Variants in DLG2 observed in about 807,000 individuals in gnomAD.
The protein encoded by DLG2 is disks large homolog 2.
Under a neutral mutation model 132.5 loss-of-function variants are expected in DLG2, and 45 were observed. That is an observed-to-expected ratio of 0.34 (90% CI 0.27 to 0.44). The LOEUF (loss-of-function observed/expected upper bound fraction) is 0.44. Among genes scored for constraint, DLG2 ranks in the 20% least tolerant of loss-of-function variants. The probability of loss-of-function intolerance (pLI) is 1.00; values close to 1 mark genes in which losing one functional copy is unlikely to be tolerated. For missense variants in DLG2, 1,045 were observed against 1,196.9 expected, an observed-to-expected ratio of 0.87 and a Z score of 1.87; for synonymous variants, 424 against 419.6, an observed-to-expected ratio of 1.01 and a Z score of -0.13.
chr11:84,069,562 T>C (rs990292041), intron 10 of DLG2, among the ~76,000 whole-genome samples: 1 of 152,194 alleles, frequency 6.6e-6, no homozygotes, highest in Non-Finnish European at 1.5e-5. Flanking sequence ...GGGCTTCTGC[T>C]CTCGTCTCTA....
intron 15 of DLG2, among the ~76,000 whole-genome samples, chr11:83,879,688 T>C (rs2065669153): frequency 6.6e-6 from 1 of 152,198 alleles, no homozygotes; most frequent in South Asian, 2.1e-4. Context: ...ACATGAAGTG[T>C]CTTGTACAAT....
At chr11:85,357,923 G>C (rs2083865702) in intron 3 of DLG2, among the ~76,000 whole-genome samples, 1 of 151,322 alleles carries the variant, frequency 6.6e-6, no homozygotes, top group Non-Finnish European at 1.5e-5. Flanking sequence ...GAAGTATTAG[G>C]ATTCAAATCA....
At chr11:85,154,679 C>T in intron 4 of DLG2, 28 bp from the exon 5 acceptor site, 3 of 1,106,794 alleles carry the variant, frequency 2.7e-6, no homozygotes, top group Non-Finnish European at 4.0e-6. Context: ...AAAATCAATA[C>T]TCCTTTTTTA....
At chr11:85,115,068 C>G (rs1566878995) in intron 5 of DLG2, among the ~76,000 whole-genome samples, 1 of 151,808 alleles carries the variant, frequency 6.6e-6, no homozygotes, top group Non-Finnish European at 1.5e-5. Context: ...AAATGATCCT[C>G]ATAAACAAAG....
At position 85,215,362 on chromosome 11, in the gene DLG2, C is replaced by G. The variant is rs1374650937; in HGVS notation, c.187-60711G>C. On this transcript the variant is annotated intron_variant, in intron 4 of 27. Coordinates refer to ENST00000376104, the MANE Select transcript of DLG2 (RefSeq NM_001142699.3). ...GAATCCTGTGAAAATCTCTTTTTCTCAAATACTTTCATTTAATTTATTTAA... is the reference window on the plus strand; with the variant it reads ...GAATCCTGTGAAAATCTCTTTTTCTGAAATACTTTCATTTAATTTATTTAA... Among the ~76,000 whole-genome samples, 4 of 152,136 alleles carry G rather than the reference C, an allele frequency of 2.6e-5. No individual in the cohort carries two copies. The East Asian group carries it at 7.7e-4, about 29-fold the overall frequency.
intron 6 of DLG2, among the ~76,000 whole-genome samples, chr11:84,540,039 T>G (rs573776402): frequency 7.9e-5 from 12 of 152,234 alleles, no homozygotes; most frequent in African/African-American, 2.9e-4. Context: ...CCAAAATTAA[T>G]TCAAGATGGA....
Position 85,582,687 on chromosome 11 carries a change from A to T in DLG2, c.40+15970T>A. Among the ~76,000 whole-genome samples the T allele has an allele frequency of 2.2e-5, 3 of 134,156 alleles. 1 individual carries two copies. The highest frequency in any genetic ancestry group is 4.8e-5 in the Non-Finnish European group (3 of 62,722). 88.0% of individuals were successfully genotyped at this position (134,156 alleles called of 152,430 possible). On this transcript the variant is annotated intron_variant, in intron 3 of 27. Transcript: ENST00000376104. ...AAAAAAAAAAAAAAAAAAAAAAAAA[A>T]AAAAAAAAAAAAAAAAAACTCGTGC... is the stretch of plus-strand genomic sequence containing the variant.
chr11:83,775,921 T>C (rs921048447), intron 18 of DLG2, among the ~76,000 whole-genome samples: 1 of 151,944 alleles, frequency 6.6e-6, no homozygotes, highest in African/African-American at 2.4e-5. Context: ...TGAAACCTCG[T>C]CTCTACTAAA....
intron 7 of DLG2, among the ~76,000 whole-genome samples, chr11:84,358,035 A>G (rs760300967): frequency 1.3e-4 from 20 of 151,992 alleles, no homozygotes; most frequent in Non-Finnish European, 2.4e-4. Flanking sequence ...TACAATGACA[A>G]TTACCCATAT....
At chr11:83,612,559 C>T (rs1023424690) in intron 19 of DLG2, among the ~76,000 whole-genome samples, 1 of 152,134 alleles carries the variant, frequency 6.6e-6, no homozygotes, top group African/African-American at 2.4e-5. Context: ...ACATACTCCT[C>T]ACAGTAGCAT....
At chr11:84,507,564 T>A (rs1172746582) in intron 7 of DLG2, among the ~76,000 whole-genome samples, 1 of 152,238 alleles carries the variant, frequency 6.6e-6, no homozygotes, top group Non-Finnish European at 1.5e-5. Context: ...ACAAGGGGAA[T>A]GCTTTCAGCT....
At chr11:85,624,876 G>A (rs959578249) in intron 2 of DLG2, among the ~76,000 whole-genome samples, 4 of 152,112 alleles carry the variant, frequency 2.6e-5, no homozygotes, top group Admixed American at 1.3e-4. Flanking sequence ...GAAAGGGAAG[G>A]AGGGAGGCAA....
In DLG2 at chr11:84,791,302, T is replaced by C. The variant is rs7941426; in HGVS notation, c.358-256571A>G. 2.3e-3 allele frequency among the ~76,000 whole-genome samples: 345 copies of C among 152,330 alleles called. 1 individual carries two copies. Among genetic ancestry groups the C allele is most frequent in the African/African-American group, 7.9e-3 (329 of 41,576 alleles). On this transcript the variant is annotated intron_variant, in intron 6 of 27. Transcript: ENST00000376104. Reference sequence around the variant, plus strand: ...CCCAGAGCCAAACAGTATCAGTCTATGCATCTGCTTTTATGGCAGTACCGT... The same window carrying C: ...CCCAGAGCCAAACAGTATCAGTCTACGCATCTGCTTTTATGGCAGTACCGT...
chr11:84,946,726 A>G (rs991437016), intron 6 of DLG2, among the ~76,000 whole-genome samples: 1 of 152,120 alleles, frequency 6.6e-6, no homozygotes, highest in Non-Finnish European at 1.5e-5. Context: ...TAGCTGGTGT[A>G]TCACTAGGTC....
chr11:84,629,004 T>A (rs1419507214), intron 6 of DLG2, among the ~76,000 whole-genome samples: 4 of 152,156 alleles, frequency 2.6e-5, no homozygotes, highest in African/African-American at 7.2e-5. Context: ...ACAGCCCCCA[T>A]AGCTTTCTGC....
intron 19 of DLG2, among the ~76,000 whole-genome samples, chr11:83,550,101 C>T (rs1030025908): frequency 2.0e-5 from 3 of 152,148 alleles, no homozygotes; most frequent in Admixed American, 6.6e-5. Flanking sequence ...AGATACTCTT[C>T]GTATTACAAC....
At chr11:84,541,174 A>G (rs1460609324) in intron 6 of DLG2, among the ~76,000 whole-genome samples, 3 of 146,324 alleles carry the variant, frequency 2.1e-5, no homozygotes, top group Admixed American at 6.8e-5. Context: ...CATGTACCCT[A>G]GAACTTGAAG....
chr11:85,102,649 A>G (rs181767625), intron 6 of DLG2, among the ~76,000 whole-genome samples: 120 of 152,134 alleles, frequency 7.9e-4, no homozygotes, highest in African/African-American at 2.8e-3. Flanking sequence ...TTGATAAAGG[A>G]CATCTACAAA....
At chr11:84,632,097 C>T (rs2099633142) in intron 6 of DLG2, among the ~76,000 whole-genome samples, 1 of 152,118 alleles carries the variant, frequency 6.6e-6, no homozygotes, top group Admixed American at 6.6e-5. Flanking sequence ...TTGCCTAAGG[C>T]CTTGCCCACC....
Sources: allele counts gnomAD v4.1 joint callset (sites outside exome capture counted in the v4.1 genomes callset), GRCh38; gene constraint gnomAD v4.1.1; transcripts MANE v1.5; gene names NCBI Gene and HGNC (gene_info 2026-07-23, HGNC 2026-07-21).